The following SOD2 variants were observed in gnomAD, a reference collection of about 807,000 sequenced individuals.
The protein encoded by SOD2 is superoxide dismutase [Mn], mitochondrial.
Under a neutral mutation model 27.0 loss-of-function variants are expected in SOD2, and 11 were observed. The ratio of observed to expected loss-of-function variants is 0.41; its 90% CI spans 0.26 to 0.67. The LOEUF (loss-of-function observed/expected upper bound fraction) is 0.67, where lower values mean the gene tolerates loss of function less well. Among genes scored for constraint, SOD2 ranks in the 30% least tolerant of loss-of-function variants. The pLI is 0.34. For synonymous variants in SOD2, 105 were observed against 103.0 expected, an observed-to-expected ratio of 1.02 and a Z score of -0.12; for missense variants, 250 against 274.5, an observed-to-expected ratio of 0.91 and a Z score of 0.63.
exon 1 of SOD2, chr6:159,727,350 G>A (rs1057126473): frequency 5.6e-6 from 7 of 1,258,490 alleles, no homozygotes; most frequent in African/African-American, 1.6e-5. Flanking sequence ...GGGCCAGAAG[G>A]CGAACATGGC....
chr6:159,695,227 C>G (rs949575819), upstream of SOD2, among the ~76,000 whole-genome samples: 3 of 152,102 alleles, frequency 2.0e-5, no homozygotes, highest in African/African-American at 4.8e-5. Flanking sequence ...ATGAAATATT[C>G]CTATTGGGAG....
In SOD2 at chr6:159,680,714, T is replaced by C. The variant is rs5746148; in HGVS notation, c.*1779A>G. 457 of 152,160 alleles carry C rather than the reference T, an allele frequency of 3.0e-3. 2 individuals carry two copies. The highest frequency in any genetic ancestry group is 5.0e-3 in the Non-Finnish European group (342 of 68,066). 9.4% of individuals were successfully genotyped at this position (152,160 alleles called of 1,614,324 possible). A position where few individuals can be genotyped will look rare whatever the true frequency, so the allele number is the denominator to read the frequency against. On this transcript the variant is annotated 3_prime_UTR_variant, in exon 5 of 5. Transcript: ENST00000538183. ...ACTTTGGGAGGCTGAGCCAGACGGATCACTTGAGGTCAGGAGTTCGAGACC... is the reference window on the plus strand; with the variant it reads ...ACTTTGGGAGGCTGAGCCAGACGGACCACTTGAGGTCAGGAGTTCGAGACC...
chr6:159,687,921 G>A (rs1780267356), intron 3 of SOD2, among the ~76,000 whole-genome samples: 2 of 152,094 alleles, frequency 1.3e-5, no homozygotes. Flanking sequence ...TGAGGCAGGA[G>A]AATCACTTGA....
intron 1 of SOD2, chr6:159,755,398 T>C: frequency 6.2e-7 from 1 of 1,614,140 alleles, no homozygotes. Context: ...GAGGAGGTAG[T>C]GGTTACGTAA....
intron 2 of SOD2, among the ~76,000 whole-genome samples, chr6:159,689,109 G>A (rs143713737): frequency 6.3e-4 from 96 of 152,264 alleles, no homozygotes; most frequent in African/African-American, 2.3e-3. Flanking sequence ...ACCAAGAGGC[G>A]CTGCACTTGA....
rs201410601 is a variant in SOD2, at chr6:159,716,706, AT to A, written c.-116+10422del. On this transcript the variant is annotated intron_variant, in intron 1 of 2. Coordinates refer to the SOD2 transcript ENST00000401980. ...AAAGGGACACTTTCAGCTGTCACATATACAGAGAGGTGCTATTGGCATCTAG... is the reference window on the plus strand; with the variant it reads ...AAAGGGACACTTTCAGCTGTCACATAACAGAGAGGTGCTATTGGCATCTAG... 5.2e-3 allele frequency among the ~76,000 whole-genome samples: 786 copies of A among 152,368 alleles called. 5 individuals carry two copies. Among genetic ancestry groups the A allele is most frequent in the African/African-American group, 0.018 (744 of 41,584 alleles).
chr6:159,717,196 T>C (rs914140878), intron 1 of SOD2, among the ~76,000 whole-genome samples: 2 of 152,208 alleles, frequency 1.3e-5, no homozygotes, highest in Non-Finnish European at 2.9e-5. Context: ...ATACCTCTGT[T>C]ACCTCTGTTG....
In SOD2 at chr6:159,675,259, T is replaced by C. The variant is rs1401471643; in HGVS notation, c.*7234A>G. The C allele has an allele frequency of 2.0e-5, 3 of 152,206 alleles. No individual in the cohort carries two copies. Among genetic ancestry groups the C allele is most frequent in the East Asian group, 1.9e-4 (1 of 5,202 alleles). 9.4% of individuals were successfully genotyped at this position (152,206 alleles called of 1,614,324 possible). ...TTGGAAAAAACTACTTTAAAGTTCA[T>C]GTGGAACCAAAAAAGAGCCTGCACT... On this transcript the variant is annotated 3_prime_UTR_variant, in exon 5 of 5. Coordinates refer to ENST00000538183, the MANE Select transcript of SOD2 (RefSeq NM_000636.4).
chr6:159,716,658 A>G (rs560519649), intron 1 of SOD2, among the ~76,000 whole-genome samples: 1 of 152,280 alleles, frequency 6.6e-6, no homozygotes, highest in African/African-American at 2.4e-5. Context: ...GCATGACGGG[A>G]GGGGGCAGTA....
At chr6:159,696,645 T>C (rs1191781229), upstream of SOD2, among the ~76,000 whole-genome samples, 2 of 152,080 alleles carry the variant, frequency 1.3e-5, no homozygotes, top group African/African-American at 4.8e-5. Flanking sequence ...TAAGGATCCT[T>C]TGTGGTAGAT....
In SOD2 at chr6:159,676,488, A is replaced by G. The variant is rs1412694422; in HGVS notation, c.*6005T>C. ...TGGAAACCATCCTTCTCAGCAAACTATTCCAAGGACAAAAAAACAAACACC... is the reference window on the plus strand; with the variant it reads ...TGGAAACCATCCTTCTCAGCAAACTGTTCCAAGGACAAAAAAACAAACACC... On this transcript the variant is annotated 3_prime_UTR_variant, in exon 5 of 5. Transcript: ENST00000538183. 6.6e-6 allele frequency: 1 copy of G among 152,152 alleles called. No individual in the cohort carries two copies. The highest frequency in any genetic ancestry group is 1.5e-5 in the Non-Finnish European group (1 of 68,042). 9.4% of individuals were successfully genotyped at this position (152,152 alleles called of 1,614,324 possible).
chr6:159,748,073 AAG>A (rs932727750), upstream of SOD2: 148 of 1,269,654 alleles, frequency 1.2e-4, 1 homozygote, highest in African/African-American at 1.5e-3. The surrounding 1 kb of genome is among the most constrained non-coding windows in gnomAD (Gnocchi z 5.6). Flanking sequence ...TTCAGGATCA[AAG>A]AGGGGAGGAG....
rs181438980 is a variant in SOD2 at position 159,681,751 on chromosome 6, G to A, written c.*742C>T. The A allele has an allele frequency of 2.4e-4, 35 of 145,890 alleles. No homozygotes were observed. The highest frequency in any genetic ancestry group is 8.6e-4 in the African/African-American group (32 of 37,406). The allele number at this position is 145,890 out of a possible 1,614,324, so 9.0% of individuals were successfully genotyped here. Reference sequence around the variant, plus strand: ...TTCTGCTTTCCTGAAATTTACCACTGCCTTTAAATACTCTAGCTTGTAGGT... The same window carrying A: ...TTCTGCTTTCCTGAAATTTACCACTACCTTTAAATACTCTAGCTTGTAGGT... On this transcript the variant is annotated 3_prime_UTR_variant, in exon 5 of 5. Transcript: ENST00000538183.
chr6:159,710,903 C>G (rs1777730495), intron 1 of SOD2, among the ~76,000 whole-genome samples: 1 of 150,218 alleles, frequency 6.7e-6, no homozygotes, highest in African/African-American at 2.5e-5. Flanking sequence ...CGACAACCAC[C>G]ACTTACATTG....
chr6:159,736,163 A>G, intron 1 of SOD2: 1 of 1,171,736 alleles, frequency 8.5e-7, no homozygotes, highest in Non-Finnish European at 1.2e-6. Flanking sequence ...AATTTAGTTC[A>G]CTAATAAATT....
At chr6:159,746,101 G>C (rs1779559143), upstream of SOD2, among the ~76,000 whole-genome samples, 1 of 152,170 alleles carries the variant, frequency 6.6e-6, no homozygotes, top group African/African-American at 2.4e-5. Context: ...TAAAACAAAG[G>C]CATACATAAA....
chr6:159,726,690 G>A, intron 1 of SOD2: 2 of 1,057,302 alleles, frequency 1.9e-6, no homozygotes, highest in Non-Finnish European at 2.5e-6. Flanking sequence ...TTAGCAAGGG[G>A]CCCTCAACGC....
intron 1 of SOD2, among the ~76,000 whole-genome samples, chr6:159,723,770 CT>C (rs903818419): frequency 4.6e-5 from 7 of 151,988 alleles, no homozygotes; most frequent in Admixed American, 1.3e-4. Flanking sequence ...GCAGTTGAAA[CT>C]TTTTTTTCTT....
Position 159,709,324 on chromosome 6 carries a change from C to T in SOD2, c.-115-16461G>A, listed in dbSNP as rs535499854. Among the ~76,000 whole-genome samples, 15 of 152,276 alleles carry T rather than the reference C, an allele frequency of 9.9e-5. No homozygotes were observed. In the South Asian group the frequency reaches 3.1e-3, roughly 32 times the overall value. ...CAAAAAAAACTACCATTAGACTGAA[C>T]AGGCAACCTACAAAATGGGAGAAAA... is the stretch of plus-strand genomic sequence containing the variant. On this transcript the variant is annotated intron_variant, in intron 1 of 2. Coordinates refer to the SOD2 transcript ENST00000401980.
Sources: allele counts gnomAD v4.1 joint callset (sites outside exome capture counted in the v4.1 genomes callset), GRCh38; gene constraint gnomAD v4.1.1; non-coding constraint Gnocchi (gnomAD v3.1); transcripts MANE v1.5; gene names NCBI Gene and HGNC (gene_info 2026-07-23, HGNC 2026-07-21).